The following ARHGAP6 variants were observed in gnomAD, a reference collection of about 807,000 sequenced individuals.
The protein encoded by ARHGAP6 is Rho GTPase activating protein 6.
In ARHGAP6, 16 loss-of-function variants were observed where a neutral mutation model predicts 55.7. The observed-to-expected ratio is 0.29, with a 90% CI of 0.19 to 0.44. ARHGAP6 has a LOEUF of 0.44. Ranked by LOEUF, ARHGAP6 falls within the 20% of genes least tolerant of loss-of-function variation. ARHGAP6 has a pLI of 1.00. For synonymous variants in ARHGAP6, 382 were observed against 360.9 expected (o/e 1.06, Z -0.66); for missense variants, 698 against 808.9 (o/e 0.86, Z 1.66).
chrX:11,225,853 CT>C (rs986893354), intron 2 of ARHGAP6: 153 of 229,126 alleles, frequency 6.7e-4, no homozygotes, highest in East Asian at 1.1e-3. Flanking sequence ...ATGGAAAGAC[CT>C]TTTTTTTTGA....
intron 10 of ARHGAP6, among the ~76,000 whole-genome samples, chrX:11,146,868 A>G (rs1021505855): frequency 8.9e-6 from 1 of 112,114 alleles, no homozygotes; most frequent in Non-Finnish European, 1.9e-5. Flanking sequence ...TAAAATGTTT[A>G]AAATATTTCC....
chrX:11,651,803 A>AT (rs1172997213), intron 1 of ARHGAP6, among the ~76,000 whole-genome samples: 2 of 111,185 alleles, frequency 1.8e-5, no homozygotes, highest in East Asian at 5.7e-4. Flanking sequence ...AGCATCTGTT[A>AT]TTTTTTTACT....
chrX:11,152,432 T>G (rs1203163717), intron 10 of ARHGAP6, among the ~76,000 whole-genome samples: 1 of 111,960 alleles, frequency 8.9e-6, no homozygotes, highest in Non-Finnish European at 1.9e-5. Flanking sequence ...CACTGCTTCT[T>G]GACTTAAGCA....
chrX:11,655,239 TTGAG>T (rs60865582), intron 1 of ARHGAP6, among the ~76,000 whole-genome samples: 10,868 of 112,102 alleles, frequency 0.097, 501 homozygotes, highest in East Asian at 0.21. Flanking sequence ...CTTTTTATTG[TTGAG>T]TAATTTTTCA....
chrX:11,653,844 T>C (rs764971213), intron 1 of ARHGAP6, among the ~76,000 whole-genome samples: 9 of 112,049 alleles, frequency 8.0e-5, no homozygotes, highest in Non-Finnish European at 1.7e-4. Flanking sequence ...TGCCTACCTC[T>C]GAATCTGAGT....
At chrX:11,202,237 T>C (rs150304822) in intron 2 of ARHGAP6, among the ~76,000 whole-genome samples, 153 of 110,779 alleles carry the variant, frequency 1.4e-3, no homozygotes, top group African/African-American at 4.8e-3. Flanking sequence ...ACTTCTTCAT[T>C]TGAAGGAGCT....
rs367951394 is a variant in ARHGAP6, at chrX:11,624,637, C to G, written c.588+39604G>C. 6.2e-5 allele frequency among the ~76,000 whole-genome samples: 7 copies of G among 112,459 alleles called. No individual in the cohort carries two copies. In the South Asian group the frequency reaches 1.9e-3, roughly 30 times the overall value. Reference sequence around the variant, plus strand: ...AGGCCGGAGTGCTCACTGCAACTTCCGCCTCCCGGGTTCATGCCATTCTCC... The same window carrying G: ...AGGCCGGAGTGCTCACTGCAACTTCGGCCTCCCGGGTTCATGCCATTCTCC... On this transcript the variant is annotated intron_variant, in intron 1 of 12. Coordinates refer to ENST00000337414, the MANE Select transcript of ARHGAP6 (RefSeq NM_013427.3).
At chrX:11,611,756 G>A (rs1487109257) in intron 1 of ARHGAP6, among the ~76,000 whole-genome samples, 1 of 111,017 alleles carries the variant, frequency 9.0e-6, no homozygotes, top group South Asian at 3.8e-4. Context: ...CATCCTTCAA[G>A]GCTACTCACT....
chrX:11,197,016 A>C lies in ARHGAP6; in HGVS notation c.749-20T>G, dbSNP rs1442706831. 1 of 806,806 alleles carries C rather than the reference A, an allele frequency of 1.2e-6. No individual in the cohort carries two copies. The highest frequency in any genetic ancestry group is 1.9e-6 in the Non-Finnish European group (1 of 535,191). 66.5% of individuals were successfully genotyped at this position (806,806 alleles called of 1,213,427 possible). A position where few individuals can be genotyped will look rare whatever the true frequency, so the allele number is the denominator to read the frequency against. ...GTCCATCTGTAAATATTAAAAGGAGAAGTTATAAAGATAAACATATAAGTG... is the reference window on the plus strand; with the variant it reads ...GTCCATCTGTAAATATTAAAAGGAGCAGTTATAAAGATAAACATATAAGTG... On this transcript the variant is annotated intron_variant, in intron 2 of 12. Transcript: ENST00000337414.
chrX:11,274,062 G>A (rs1348656277), intron 1 of ARHGAP6, among the ~76,000 whole-genome samples: 1 of 111,361 alleles, frequency 9.0e-6, no homozygotes, highest in Non-Finnish European at 1.9e-5. Context: ...TTAGTCCTGA[G>A]TTTGTGGTCT....
intron 1 of ARHGAP6, among the ~76,000 whole-genome samples, chrX:11,368,091 G>A (rs1006760325): frequency 4.4e-5 from 5 of 112,544 alleles, no homozygotes; most frequent in Non-Finnish European, 9.4e-5. Context: ...CTCTGTCCTA[G>A]GCACTGGAGA....
At chrX:11,226,367 A>G (rs1405481002) in intron 2 of ARHGAP6, among the ~76,000 whole-genome samples, 5 of 111,312 alleles carry the variant, frequency 4.5e-5, no homozygotes. Context: ...TATATATGCC[A>G]CATTTTCTTA....
chrX:11,193,976 A>G (rs2046498285), intron 3 of ARHGAP6, among the ~76,000 whole-genome samples: 1 of 112,620 alleles, frequency 8.9e-6, no homozygotes, highest in Admixed American at 9.4e-5. Context: ...AAAATCACCT[A>G]AAGTCCACAT....
At chrX:11,352,258 TAAC>T (rs1255870226) in intron 1 of ARHGAP6, among the ~76,000 whole-genome samples, 1 of 111,819 alleles carries the variant, frequency 8.9e-6, no homozygotes, top group Non-Finnish European at 1.9e-5. Flanking sequence ...CAAAGACAGC[TAAC>T]AATGCAACAG....
intron 1 of ARHGAP6, among the ~76,000 whole-genome samples, chrX:11,553,242 C>A (rs548924834): frequency 1.1e-5 from 1 of 94,440 alleles, no homozygotes; most frequent in African/African-American, 4.1e-5. Context: ...TTGCTTAGAA[C>A]ATTTTTTTTT....
intron 1 of ARHGAP6, among the ~76,000 whole-genome samples, chrX:11,475,696 TAGGAAAAC>T (rs1315326188): frequency 9.3e-6 from 1 of 108,070 alleles, no homozygotes; most frequent in Non-Finnish European, 1.9e-5. Flanking sequence ...GACTTTGAGG[TAGGAAAAC>T]ATTTCCTAGA....
intron 1 of ARHGAP6, among the ~76,000 whole-genome samples, chrX:11,536,917 C>T (rs1187726056): frequency 9.8e-5 from 11 of 112,089 alleles, no homozygotes; most frequent in Non-Finnish European, 2.1e-4. Flanking sequence ...ATTTTTTACA[C>T]CTAAATACTT....
chrX:11,515,915 C>A, intron 1 of ARHGAP6, among the ~76,000 whole-genome samples: 1 of 112,828 alleles, frequency 8.9e-6, no homozygotes, highest in Middle Eastern at 4.6e-3. Flanking sequence ...TGAACCTCTG[C>A]ATTGCCAGAC....
chrX:11,465,476 A>G (rs2050283836), intron 1 of ARHGAP6, among the ~76,000 whole-genome samples: 1 of 112,541 alleles, frequency 8.9e-6, no homozygotes, highest in African/African-American at 3.2e-5. Flanking sequence ...TTTTAACTAT[A>G]TATTTCATTT....
Sources: allele counts gnomAD v4.1 joint callset (sites outside exome capture counted in the v4.1 genomes callset), GRCh38; gene constraint gnomAD v4.1.1; transcripts MANE v1.5; gene names NCBI Gene and HGNC (gene_info 2026-07-23, HGNC 2026-07-21).